TMEM41B: variants seen among roughly 807,000 people sequenced by gnomAD.
TMEM41B encodes the protein transmembrane protein 41B, also known as protein stasimon.
In TMEM41B, 18 loss-of-function variants were observed where a neutral mutation model predicts 31.9. That is an observed-to-expected ratio of 0.56 (90% CI 0.39 to 0.84). The LOEUF (loss-of-function observed/expected upper bound fraction) is 0.84, where lower values mean the gene tolerates loss of function less well. Among genes scored for constraint, TMEM41B ranks in the 40% least tolerant of loss-of-function variants. TMEM41B has a pLI of 0.00. For missense variants in TMEM41B, 322 were observed against 348.0 expected (o/e 0.93, Z 0.59); for synonymous variants, 144 against 124.3 (o/e 1.16, Z -1.05).
At chr11:9,289,473 T>G (rs1852906926) in intron 3 of TMEM41B, among the ~76,000 whole-genome samples, 1 of 152,174 alleles carries the variant, frequency 6.6e-6, no homozygotes, top group East Asian at 1.9e-4. Context: ...AGTTCCCATT[T>G]TACTCATGTT....
chr11:9,286,873 G>A (rs767226523), intron 5 of TMEM41B, among the ~76,000 whole-genome samples: 43 of 151,632 alleles, frequency 2.8e-4, no homozygotes, highest in Non-Finnish European at 5.0e-4. Context: ...GGTGGCATGT[G>A]CCTGAAATCC....
chr11:9,286,615 T>C (rs1852843366), intron 5 of TMEM41B, 22 bp from the exon 6 acceptor site: 2 of 1,581,400 alleles, frequency 1.3e-6, no homozygotes, highest in Non-Finnish European at 1.7e-6. Flanking sequence ...AAGAAAAGAA[T>C]TAGCATCAGA....
chr11:9,299,737 T>C, intron 1 of TMEM41B, 36 bp from the exon 2 acceptor site: 1 of 1,404,032 alleles, frequency 7.1e-7, no homozygotes, highest in African/African-American at 1.4e-5. Context: ...AAGATAAATA[T>C]AAAGGAAGAC....
chr11:9,289,607 G>C (rs750589994), intron 3 of TMEM41B, among the ~76,000 whole-genome samples: 7 of 152,048 alleles, frequency 4.6e-5, no homozygotes, highest in Non-Finnish European at 8.8e-5. Flanking sequence ...CCTCAACCAG[G>C]GTATCCTATC....
At chr11:9,303,833 A>G (rs1338633312) in intron 1 of TMEM41B, among the ~76,000 whole-genome samples, 2 of 151,336 alleles carry the variant, frequency 1.3e-5, no homozygotes, top group Non-Finnish European at 2.9e-5. Context: ...AGGATCAACT[A>G]ATTTTTGTAT....
chr11:9,297,009 A>T (rs1371862363), intron 2 of TMEM41B, among the ~76,000 whole-genome samples: 1 of 151,976 alleles, frequency 6.6e-6, no homozygotes, highest in Non-Finnish European at 1.5e-5. Context: ...TATTACCTCC[A>T]TCTCCTAGGT....
chr11:9,310,994 G>C (rs1853547340), intron 1 of TMEM41B, among the ~76,000 whole-genome samples: 1 of 152,142 alleles, frequency 6.6e-6, no homozygotes. Context: ...ACATTTTACA[G>C]ATCTCAAACT....
intron 1 of TMEM41B, among the ~76,000 whole-genome samples, chr11:9,306,220 C>T (rs1019204749): frequency 2.6e-5 from 4 of 151,490 alleles, no homozygotes; most frequent in South Asian, 2.1e-4. Flanking sequence ...CTCAGGTAAT[C>T]CGCCCACCTC....
At chr11:9,295,698 C>T (rs1853069239) in intron 2 of TMEM41B, among the ~76,000 whole-genome samples, 1 of 152,046 alleles carries the variant, frequency 6.6e-6, no homozygotes, top group South Asian at 2.1e-4. Context: ...CCATGCCCAG[C>T]TAACTTTTGT....
intron 6 of TMEM41B, among the ~76,000 whole-genome samples, chr11:9,285,124 G>A (rs375245792): frequency 9.5e-5 from 12 of 126,678 alleles, no homozygotes; most frequent in African/African-American, 1.9e-4. Context: ...TCTTGCTGTC[G>A]CCCAGGCCGG....
chr11:9,284,526 G>A (rs1852792732), intron 6 of TMEM41B, among the ~76,000 whole-genome samples: 1 of 152,072 alleles, frequency 6.6e-6, no homozygotes, highest in South Asian at 2.1e-4. Context: ...ACCCTGGGAG[G>A]CCAAGGCAGG....
At chr11:9,296,603 C>CAAAAAAAAAAAAAAAAAA (rs1164835040) in intron 2 of TMEM41B, among the ~76,000 whole-genome samples, 1 of 118,886 alleles carries the variant, frequency 8.4e-6, no homozygotes, top group African/African-American at 3.6e-5. Flanking sequence ...GACTCCGTCT[C>CAAAAAAAAAAAAAAAAAA]AAAAAAAAAA....
At chr11:9,297,650 C>G (rs796914314) in intron 2 of TMEM41B, among the ~76,000 whole-genome samples, 140 of 152,068 alleles carry the variant, frequency 9.2e-4, no homozygotes, top group African/African-American at 3.3e-3. Flanking sequence ...AAGATTGCAC[C>G]ACGGCACTCC....
intron 2 of TMEM41B, among the ~76,000 whole-genome samples, chr11:9,297,082 T>C (rs1853112532): frequency 6.6e-6 from 1 of 151,884 alleles, no homozygotes; most frequent in Non-Finnish European, 1.5e-5. Context: ...GCCACTATGC[T>C]CTGCTAGTTG....
chr11:9,293,834 G>A lies in TMEM41B; in HGVS notation c.368+1425C>T, dbSNP rs532008661. 4.0e-5 allele frequency among the ~76,000 whole-genome samples: 6 copies of A among 151,648 alleles called. No individual in the cohort carries two copies. In the East Asian group the frequency reaches 7.8e-4, roughly 20 times the overall value. ...TGACCTCACGTGATTCACCCGCCTC[G>A]GGCTCCCAAAGTGCTGGTGTTGCAG... is the stretch of plus-strand genomic sequence containing the variant. On this transcript the variant is annotated intron_variant, in intron 3 of 6. Transcript: ENST00000528080.
chr11:9,292,687 C>A (rs533960516), intron 3 of TMEM41B, among the ~76,000 whole-genome samples: 1 of 152,056 alleles, frequency 6.6e-6, no homozygotes, highest in East Asian at 2.0e-4. Flanking sequence ...CATGAAGAGA[C>A]GGGATTTCTT....
At chr11:9,309,943 A>C (rs922304638) in intron 1 of TMEM41B, among the ~76,000 whole-genome samples, 9 of 150,304 alleles carry the variant, frequency 6.0e-5, no homozygotes, top group African/African-American at 1.5e-4. Flanking sequence ...ACAAAAGAAC[A>C]AAAAAAAATA....
intron 1 of TMEM41B, among the ~76,000 whole-genome samples, chr11:9,304,392 A>T (rs1436287809): frequency 6.6e-6 from 1 of 152,198 alleles, no homozygotes; most frequent in Admixed American, 6.5e-5. Flanking sequence ...AATCAGCAAA[A>T]AGCAAAAACA....
At chr11:9,312,415 C>T (rs113881835) in intron 1 of TMEM41B, among the ~76,000 whole-genome samples, 2,777 of 152,266 alleles carry the variant, frequency 0.018, 76 homozygotes, top group African/African-American at 0.063. Context: ...GTGGGAAGAT[C>T]GCATGAGCCC....
Sources: allele counts gnomAD v4.1 joint callset (sites outside exome capture counted in the v4.1 genomes callset), GRCh38; gene constraint gnomAD v4.1.1; transcripts MANE v1.5; gene names NCBI Gene and HGNC (gene_info 2026-07-23, HGNC 2026-07-21).